Variants in ABCA13 observed in about 807,000 individuals in gnomAD.
The protein encoded by ABCA13 is ATP binding cassette subfamily A member 13.
In ABCA13, 476 loss-of-function variants were observed where a neutral mutation model predicts 478.7. The observed-to-expected ratio is 0.99, with a 90% CI of 0.92 to 1.07. ABCA13 has a LOEUF of 1.07. Among genes scored for constraint, ABCA13 ranks in the 50% least tolerant of loss-of-function variants. The pLI is 0.00. For synonymous variants in ABCA13, 2,252 were observed against 2,158.9 expected (o/e 1.04, Z -1.20); for missense variants, 6,060 against 5,910.6 (o/e 1.03, Z -0.83).
rs150845543 is a variant in ABCA13, at chr7:48,323,127, C to T, written c.9999+5831C>T. On this transcript the variant is annotated intron_variant, in intron 27 of 61. Coordinates refer to ENST00000435803, the MANE Select transcript of ABCA13 (RefSeq NM_152701.5). ...CGTGTGGGTTTTTTCTAGTCTTTGG[C>T]GATTATCAGTGGAGCTCTTACCTTG... 2.5e-4 allele frequency among the ~76,000 whole-genome samples: 38 copies of T among 152,172 alleles called. No individual in the cohort carries two copies. The East Asian group carries it at 6.6e-3, about 26-fold the overall frequency.
chr7:48,204,911 C>T (rs944687036), intron 3 of ABCA13, among the ~76,000 whole-genome samples: 1 of 152,146 alleles, frequency 6.6e-6, no homozygotes, highest in African/African-American at 2.4e-5. Context: ...AAAAACGATC[C>T]AAGCTCCTGA....
chr7:48,456,850 T>G (rs925007912), intron 43 of ABCA13, among the ~76,000 whole-genome samples: 2 of 152,148 alleles, frequency 1.3e-5, no homozygotes, highest in Non-Finnish European at 2.9e-5. Flanking sequence ...TAACAATCTT[T>G]ATTTAGTTAG....
Position 48,646,433 on chromosome 7 carries a change from C to G in ABCA13, c.*921C>G, listed in dbSNP as rs1795438392. The G allele has an allele frequency of 6.6e-6, 1 of 152,264 alleles. No individual in the cohort carries two copies. The highest frequency in any genetic ancestry group is 2.1e-4 in the South Asian group (1 of 4,820). 9.4% of individuals were successfully genotyped at this position (152,264 alleles called of 1,614,324 possible). A position where few individuals can be genotyped will look rare whatever the true frequency, so the allele number is the denominator to read the frequency against. On this transcript the variant is annotated 3_prime_UTR_variant, in exon 62 of 62. Transcript: ENST00000435803. ...TTCTGGGGCTTAAACAAGCACATTC[C>G]AAGTTAAGAACCAATGACCTAAGGG...
At chr7:48,411,039 CTT>C (rs976228457) in intron 40 of ABCA13, among the ~76,000 whole-genome samples, 4 of 98,476 alleles carry the variant, frequency 4.1e-5, no homozygotes, top group African/African-American at 7.6e-5. Flanking sequence ...TTCTTTCTTT[CTT>C]TCTTTCTTTT....
At chr7:48,301,846 G>A (rs1800200295) in intron 23 of ABCA13, among the ~76,000 whole-genome samples, 2 of 151,902 alleles carry the variant, frequency 1.3e-5, no homozygotes, top group African/African-American at 4.8e-5. Context: ...TCCTACCAGA[G>A]TATTCTCAGT....
At chr7:48,316,328 C>T (rs1325623674) in intron 26 of ABCA13, among the ~76,000 whole-genome samples, 6 of 152,200 alleles carry the variant, frequency 3.9e-5, no homozygotes, top group East Asian at 1.9e-4. Flanking sequence ...AGCTCAGTTC[C>T]GGTCTCAATA....
intron 50 of ABCA13, among the ~76,000 whole-genome samples, chr7:48,509,331 C>G (rs778033658): frequency 1.3e-5 from 2 of 152,196 alleles, no homozygotes; most frequent in Non-Finnish European, 2.9e-5. Flanking sequence ...GTGCTACACA[C>G]TGCTGCTGGC....
intron 56 of ABCA13, among the ~76,000 whole-genome samples, chr7:48,584,836 A>G (rs1700887719): frequency 6.6e-6 from 1 of 152,168 alleles, no homozygotes; most frequent in Non-Finnish European, 1.5e-5. Flanking sequence ...AATTGGTTTC[A>G]TTAAATGTTG....
At chr7:48,239,488 G>A (rs1292060847) in intron 9 of ABCA13, 83 bp downstream of exon 9, 42 of 1,441,610 alleles carry the variant, frequency 2.9e-5, no homozygotes, top group Non-Finnish European at 3.9e-5. Flanking sequence ...GCCCTGCCAT[G>A]TTTACTGTTG....
intron 45 of ABCA13, among the ~76,000 whole-genome samples, chr7:48,473,262 C>G (rs10249768): frequency 0.87 from 132,551 of 152,156 alleles, 57,997 homozygotes; most frequent in African/African-American, 0.95. Context: ...CTGGCCCAGG[C>G]TAGCTCTTCT....
At chr7:48,336,486 A>C (rs1378907121) in intron 28 of ABCA13, among the ~76,000 whole-genome samples, 1 of 152,138 alleles carries the variant, frequency 6.6e-6, no homozygotes, top group Non-Finnish European at 1.5e-5. Flanking sequence ...GGTCGGGTGG[A>C]AGCATCCTGG....
At chr7:48,197,177 G>GTGC (rs1417307357) in intron 2 of ABCA13, among the ~76,000 whole-genome samples, 3 of 152,220 alleles carry the variant, frequency 2.0e-5, no homozygotes, top group African/African-American at 7.2e-5. Context: ...CAAGCCCAGG[G>GTGC]TGCTGCTGCT....
At chr7:48,276,904 A>G (rs944485094) in intron 17 of ABCA13, among the ~76,000 whole-genome samples, 3 of 152,334 alleles carry the variant, frequency 2.0e-5, no homozygotes, top group South Asian at 4.1e-4. Flanking sequence ...CATAATTTGA[A>G]TTGCTATACT....
At chr7:48,328,049 C>A (rs952408987) in intron 27 of ABCA13, among the ~76,000 whole-genome samples, 1 of 152,168 alleles carries the variant, frequency 6.6e-6, no homozygotes, top group Non-Finnish European at 1.5e-5. Flanking sequence ...TAAACGGACA[C>A]AAAGCCTGAT....
chr7:48,255,069 G>T (rs1793174058), intron 15 of ABCA13, among the ~76,000 whole-genome samples: 1 of 152,056 alleles, frequency 6.6e-6, no homozygotes, highest in Non-Finnish European at 1.5e-5. Flanking sequence ...CACTTTTCTG[G>T]ATGTTTGTAG....
At chr7:48,427,894 C>A in intron 42 of ABCA13, 23 bp downstream of exon 42, 1 of 1,477,404 alleles carries the variant, frequency 6.8e-7, no homozygotes, top group Non-Finnish European at 9.2e-7. Context: ...TGGCTTCCTG[C>A]ATTTCTGCTG....
chr7:48,262,647 G>T (rs1209140134), intron 15 of ABCA13, among the ~76,000 whole-genome samples: 1 of 151,564 alleles, frequency 6.6e-6, no homozygotes, highest in African/African-American at 2.4e-5. Context: ...TGGTGTTTTG[G>T]CTCTACTTTT....
intron 38 of ABCA13, among the ~76,000 whole-genome samples, chr7:48,399,970 A>G (rs2129068660): frequency 6.6e-6 from 1 of 152,028 alleles, no homozygotes; most frequent in East Asian, 1.9e-4. Context: ...TTTTCCATGT[A>G]TTTCAAGGAC....
Position 48,515,096 on chromosome 7 carries a change from A to G in ABCA13, c.13641-1629A>G, listed in dbSNP as rs573119952. On this transcript the variant is annotated intron_variant, in intron 51 of 61. Coordinates refer to ENST00000435803, the MANE Select transcript of ABCA13 (RefSeq NM_152701.5). ...AACTTGAGGGCCTGGCATCTCTTAT[A>G]TCATTTTGAAGTCTCATACTTTTCA... Among the ~76,000 whole-genome samples, 6 of 152,324 alleles carry G rather than the reference A, an allele frequency of 3.9e-5. No homozygotes were observed. The East Asian group carries it at 5.8e-4, about 15-fold the overall frequency.
Sources: allele counts gnomAD v4.1 joint callset (sites outside exome capture counted in the v4.1 genomes callset), GRCh38; gene constraint gnomAD v4.1.1; transcripts MANE v1.5; gene names NCBI Gene and HGNC (gene_info 2026-07-23, HGNC 2026-07-21).